The following DNAJC3 variants were observed in gnomAD, a reference collection of about 807,000 sequenced individuals.
DNAJC3 encodes the protein DnaJ heat shock protein family (Hsp40) member C3.
A neutral mutation model predicts 68.6 loss-of-function variants in DNAJC3; 38 were observed. The observed-to-expected ratio is 0.55, with a 90% CI of 0.43 to 0.73. The LOEUF (loss-of-function observed/expected upper bound fraction) is 0.73, where lower values mean the gene tolerates loss of function less well. Ranked by LOEUF, DNAJC3 falls within the 30% of genes least tolerant of loss-of-function variation. DNAJC3 has a pLI of 0.00. For missense variants in DNAJC3, 526 were observed against 591.9 expected (o/e 0.89, Z 1.16); for synonymous variants, 203 against 204.0 (o/e 1.00, Z 0.04).
chr13:95,754,390 GT>G (rs1462570223), intron 4 of DNAJC3, among the ~76,000 whole-genome samples: 1 of 152,188 alleles, frequency 6.6e-6, no homozygotes, highest in Non-Finnish European at 1.5e-5. Flanking sequence ...ATGGAAGTCA[GT>G]TTTTTGTGAC....
intron 1 of DNAJC3, among the ~76,000 whole-genome samples, chr13:95,702,207 C>T (rs1880603978): frequency 6.6e-6 from 1 of 152,154 alleles, no homozygotes; most frequent in Non-Finnish European, 1.5e-5. Flanking sequence ...CACCTCTAAG[C>T]ATGATGAGAA....
Position 95,705,065 on chromosome 13 carries a change from T to C in DNAJC3, c.83-4162T>C, listed in dbSNP as rs148864120. Among the ~76,000 whole-genome samples, 539 of 152,170 alleles carry C rather than the reference T, an allele frequency of 3.5e-3. 4 individuals are homozygous for C. The highest frequency in any genetic ancestry group is 0.012 in the African/African-American group (513 of 41,490). On this transcript the variant is annotated intron_variant, in intron 1 of 11. Coordinates refer to ENST00000602402, the MANE Select transcript of DNAJC3 (RefSeq NM_006260.5). ...TGGGGTTTTGCCACGTTGGCCAGGC[T>C]AGTCTTGAATTCCTGACCTCAGGTG...
intron 1 of DNAJC3, among the ~76,000 whole-genome samples, chr13:95,679,821 C>A (rs1879867156): frequency 6.6e-6 from 1 of 152,086 alleles, no homozygotes; most frequent in Admixed American, 6.5e-5. Context: ...CAATACAATT[C>A]ACTTTTAAAA....
chr13:95,715,571 T>A lies in DNAJC3; in HGVS notation c.193+6234T>A, dbSNP rs527604701. ...ATCTCGGCTCACTGCAACCTCTGCC[T>A]CCTGGGTTCAAGCGATTCTGCCTTG... On this transcript the variant is annotated intron_variant, in intron 2 of 11. Coordinates refer to ENST00000602402, the MANE Select transcript of DNAJC3 (RefSeq NM_006260.5). Among the ~76,000 whole-genome samples the A allele has an allele frequency of 1.1e-4, 17 of 150,702 alleles. No homozygotes were observed. The East Asian group carries it at 3.4e-3, about 30-fold the overall frequency.
rs1594036980 is a variant in DNAJC3, at chr13:95,793,051, G to C, written c.*2021G>C. On this transcript the variant is annotated 3_prime_UTR_variant, in exon 12 of 12. Coordinates refer to ENST00000602402, the MANE Select transcript of DNAJC3 (RefSeq NM_006260.5). ...CCTCCCACCTGCTGCCCAGAGGCTT[G>C]TTTGCATTTTCATTTTTTCTCCACT... 1 of 152,076 alleles carries C rather than the reference G, an allele frequency of 6.6e-6. No individual in the cohort carries two copies. The highest frequency in any genetic ancestry group is 1.5e-5 in the Non-Finnish European group (1 of 68,048). 9.4% of individuals were successfully genotyped at this position (152,076 alleles called of 1,614,324 possible).
At chr13:95,787,984 A>T (rs1032532633) in intron 11 of DNAJC3, among the ~76,000 whole-genome samples, 1 of 151,508 alleles carries the variant, frequency 6.6e-6, no homozygotes. Flanking sequence ...TCTGAGCTAA[A>T]CAAACAAAAG....
intron 2 of DNAJC3, among the ~76,000 whole-genome samples, chr13:95,711,827 T>C (rs528786956): frequency 6.6e-6 from 1 of 151,512 alleles, no homozygotes; most frequent in South Asian, 2.1e-4. Context: ...GTAAAGATGT[T>C]AACGACCCAA....
intron 4 of DNAJC3, among the ~76,000 whole-genome samples, chr13:95,734,705 A>T: frequency 6.6e-6 from 1 of 151,114 alleles, no homozygotes. Context: ...AAGCTTGTTT[A>T]TTCTTTTTCA....
At position 95,767,691 on chromosome 13, in the gene DNAJC3, G is replaced by GGTTTTTTT. The variant is rs1555328431; in HGVS notation, c.1075+3738_1075+3739insGTTTTTTT. 2.8e-3 allele frequency among the ~76,000 whole-genome samples: 380 copies of GGTTTTTTT among 135,760 alleles called. 1 individual carries two copies. The highest frequency in any genetic ancestry group is 9.9e-3 in the African/African-American group (362 of 36,532). 89.1% of individuals were successfully genotyped at this position (135,760 alleles called of 152,430 possible). A position where few individuals can be genotyped will look rare whatever the true frequency, so the allele number is the denominator to read the frequency against. Reference sequence around the variant, plus strand: ...CACATCCTCGTCAACAGTTTTTTGGGTTTTTTTTTTTTTTTTGAGACAGAG... The same window carrying GGTTTTTTT: ...CACATCCTCGTCAACAGTTTTTTGGGGTTTTTTTTTTTTTTTTTTTTTTTGAGACAGAG... On this transcript the variant is annotated intron_variant, in intron 9 of 11. Transcript: ENST00000602402.
chr13:95,740,330 G>T (rs1882088172), intron 4 of DNAJC3, among the ~76,000 whole-genome samples: 1 of 152,198 alleles, frequency 6.6e-6, no homozygotes, highest in South Asian at 2.1e-4. Context: ...GAGCTGTGGT[G>T]GGCTCCACCC....
intron 1 of DNAJC3, among the ~76,000 whole-genome samples, chr13:95,697,734 A>C (rs1035768840): frequency 6.6e-6 from 1 of 151,184 alleles, no homozygotes; most frequent in South Asian, 2.1e-4. Flanking sequence ...ATTTTAAAAC[A>C]AATTCTTTTT....
chr13:95,709,179 A>T (rs773202476), intron 1 of DNAJC3, 48 bp from the exon 2 acceptor site: 2 of 1,330,576 alleles, frequency 1.5e-6, no homozygotes, highest in Non-Finnish European at 2.0e-6. Flanking sequence ...TTAGAATTAA[A>T]TCTTAGTTCG....
intron 1 of DNAJC3, among the ~76,000 whole-genome samples, chr13:95,695,884 C>A (rs1339637792): frequency 6.6e-6 from 1 of 152,176 alleles, no homozygotes; most frequent in Non-Finnish European, 1.5e-5. Context: ...TCTCTGTATT[C>A]TTTTTGGCAC....
At chr13:95,691,056 G>A (rs1289413535) in intron 1 of DNAJC3, among the ~76,000 whole-genome samples, 3 of 142,224 alleles carry the variant, frequency 2.1e-5, no homozygotes, top group African/African-American at 5.3e-5. Flanking sequence ...GCGGCTGGCC[G>A]GGCAGAGGGG....
In DNAJC3 at chr13:95,779,225, C is replaced by CG. The variant is rs1566513987; in HGVS notation, c.1076-6714_1076-6713insG. Among the ~76,000 whole-genome samples the CG allele has an allele frequency of 2.7e-5, 4 of 149,642 alleles. 1 individual carries two copies. Among genetic ancestry groups the CG allele is most frequent in the South Asian group, 4.2e-4 (2 of 4,728 alleles). On this transcript the variant is annotated intron_variant, in intron 9 of 11. Coordinates refer to ENST00000602402, the MANE Select transcript of DNAJC3 (RefSeq NM_006260.5). ...ATGCAAGCTCCGCCTCCCGGGTTCA[C>CG]CCATTCTCCTGCCTCAGCCTCCTGA...
intron 4 of DNAJC3, among the ~76,000 whole-genome samples, chr13:95,755,865 C>T (rs9561948): frequency 0.37 from 55,373 of 151,464 alleles, 13,379 homozygotes; most frequent in African/African-American, 0.68. Flanking sequence ...AAGGAAGCCC[C>T]TCGTTTCTCC....
intron 4 of DNAJC3, among the ~76,000 whole-genome samples, chr13:95,749,920 C>A (rs940105951): frequency 1.3e-5 from 2 of 152,096 alleles, no homozygotes; most frequent in African/African-American, 4.8e-5. Context: ...CGTGGTGGCC[C>A]ATGCCTGTAG....
At chr13:95,758,772 G>A (rs1882739171) in intron 5 of DNAJC3, among the ~76,000 whole-genome samples, 1 of 152,114 alleles carries the variant, frequency 6.6e-6, no homozygotes, top group Non-Finnish European at 1.5e-5. Context: ...GGAAGCAGTC[G>A]TAATTCACAT....
At chr13:95,725,433 G>A (rs995077517) in intron 4 of DNAJC3, among the ~76,000 whole-genome samples, 181 bp downstream of exon 4, 1 of 152,062 alleles carries the variant, frequency 6.6e-6, no homozygotes, top group Non-Finnish European at 1.5e-5. Flanking sequence ...ACTATTTGAT[G>A]GCAGACATCA....
Sources: allele counts gnomAD v4.1 joint callset (sites outside exome capture counted in the v4.1 genomes callset), GRCh38; gene constraint gnomAD v4.1.1; transcripts MANE v1.5; gene names NCBI Gene and HGNC (gene_info 2026-07-23, HGNC 2026-07-21).